KAZN: variants seen among roughly 807,000 people sequenced by gnomAD.
KAZN encodes kazrin, periplakin interacting protein.
In KAZN, 40 loss-of-function variants were observed where a neutral mutation model predicts 87.4. That is an observed-to-expected ratio of 0.46 (90% CI 0.36 to 0.60). KAZN has a LOEUF of 0.60. KAZN is among the 20% of genes least tolerant of loss of function. KAZN has a pLI of 0.00. For synonymous variants in KAZN, 466 were observed against 458.3 expected (o/e 1.02, Z -0.22); for missense variants, 898 against 1,073.9 (o/e 0.84, Z 2.29).
intron 1 of KAZN, among the ~76,000 whole-genome samples, chr1:14,906,188 T>C (rs1390726526): frequency 3.9e-5 from 1 of 25,438 alleles, no homozygotes; most frequent in Non-Finnish European, 1.5e-4. Flanking sequence ...ATAATAATAA[T>C]AATAATAATA....
chr1:15,115,122 G>T lies in KAZN; in HGVS notation c.*487G>T. On this transcript the variant is annotated 3_prime_UTR_variant, in exon 15 of 15. Coordinates refer to ENST00000376030, the MANE Select transcript of KAZN (RefSeq NM_201628.3). This position sits in a 1 kb window ranked among gnomAD's most constrained non-coding sequence, Gnocchi z 4.1. The stretch of plus-strand genomic sequence containing the variant: ...AGTGCTGCCTCTTGCCGAGACGTCG[G>T]ACAGGGCGGGGGTTGGGGAACTCTC... The T allele has an allele frequency of 6.5e-6, 1 of 153,896 alleles. No individual in the cohort carries two copies. Among genetic ancestry groups the T allele is most frequent in the Non-Finnish European group, 1.4e-5 (1 of 69,118 alleles). 9.5% of individuals were successfully genotyped at this position (153,896 alleles called of 1,614,324 possible). A position where few individuals can be genotyped will look rare whatever the true frequency, so the allele number is the denominator to read the frequency against.
intron 1 of KAZN, among the ~76,000 whole-genome samples, chr1:14,757,735 A>C (rs988875185): frequency 7.9e-5 from 12 of 152,164 alleles, no homozygotes; most frequent in Non-Finnish European, 1.2e-4. Context: ...GGGAATCAAG[A>C]TCTCTCCCAT....
At chr1:14,361,677 C>T (rs1026326002) in intron 2 of KAZN, among the ~76,000 whole-genome samples, 3 of 152,360 alleles carry the variant, frequency 2.0e-5, no homozygotes, top group South Asian at 2.1e-4. Context: ...CAGTCCCTCA[C>T]GGCTCCCTTG....
At chr1:14,503,637 A>G (rs909025479) in intron 2 of KAZN, among the ~76,000 whole-genome samples, 4 of 151,260 alleles carry the variant, frequency 2.6e-5, no homozygotes, top group African/African-American at 9.7e-5. Flanking sequence ...GACTTACCAG[A>G]TGCTGGCCAC....
At chr1:14,957,026 C>T (rs1474266262) in intron 1 of KAZN, among the ~76,000 whole-genome samples, 1 of 152,080 alleles carries the variant, frequency 6.6e-6, no homozygotes, top group Non-Finnish European at 1.5e-5. Flanking sequence ...CAAGGGTGTC[C>T]GAGTGCTCTG....
intron 8 of KAZN, among the ~76,000 whole-genome samples, chr1:15,092,992 G>A (rs1173594841): frequency 6.6e-6 from 1 of 151,892 alleles, no homozygotes; most frequent in East Asian, 1.9e-4. Flanking sequence ...ATGGAGCTGG[G>A]TTCCATTTAT....
intron 2 of KAZN, among the ~76,000 whole-genome samples, chr1:14,390,296 A>G (rs1018377524): frequency 6.6e-6 from 1 of 152,244 alleles, no homozygotes; most frequent in South Asian, 2.1e-4. Flanking sequence ...ACTGGAAAAG[A>G]CAGAAAATAA....
chr1:15,094,427 T>C lies in KAZN; in HGVS notation c.1428+42T>C. ...CCCCTATGGGATGCCACCCATGCCC[T>C]CTGTGAGCTTTACGTACCCAGAAGC... On this transcript the variant is annotated intron_variant, in intron 9 of 14. Coordinates refer to ENST00000376030, the MANE Select transcript of KAZN (RefSeq NM_201628.3). This position sits in a 1 kb window ranked among gnomAD's most constrained non-coding sequence, Gnocchi z 4.5. 1.3e-6 allele frequency: 2 copies of C among 1,554,296 alleles called. No individual in the cohort carries two copies. Among genetic ancestry groups the C allele is most frequent in the Non-Finnish European group, 1.8e-6 (2 of 1,141,208 alleles).
rs142205845 is a variant in KAZN, at chr1:14,317,323, A to G, written c.249+136731A>G. The stretch of plus-strand genomic sequence containing the variant: ...CCTTTTTCAAAAGCCTATTTCATTG[A>G]TGTCAATATAGCTACTGTAGCTTTC... On this transcript the variant is annotated intron_variant, in intron 2 of 16. Coordinates refer to the KAZN transcript ENST00000636203. Among the ~76,000 whole-genome samples, 592 of 151,938 alleles carry G rather than the reference A, an allele frequency of 3.9e-3. 5 individuals are homozygous for G. The highest frequency in any genetic ancestry group is 0.014 in the African/African-American group (571 of 41,492).
chr1:15,072,239 C>G (rs1385141516), intron 8 of KAZN, among the ~76,000 whole-genome samples: 1 of 152,210 alleles, frequency 6.6e-6, no homozygotes, highest in African/African-American at 2.4e-5. Flanking sequence ...GATTACTATT[C>G]TCTGTGATTT....
intron 1 of KAZN, among the ~76,000 whole-genome samples, chr1:13,987,913 G>C (rs1366883376): frequency 6.6e-6 from 1 of 152,144 alleles, no homozygotes; most frequent in Non-Finnish European, 1.5e-5. Flanking sequence ...AAATTGAGGG[G>C]TTGGCATCTG....
intron 7 of KAZN, among the ~76,000 whole-genome samples, chr1:15,064,634 TAG>T (rs1639074369): frequency 6.6e-6 from 1 of 152,164 alleles, no homozygotes. Context: ...GTTCCACAGG[TAG>T]AGTCATGATC....
At chr1:14,223,977 A>C (rs1647172091) in intron 2 of KAZN, among the ~76,000 whole-genome samples, 2 of 152,224 alleles carry the variant, frequency 1.3e-5, no homozygotes, top group Admixed American at 1.3e-4. Flanking sequence ...TCCACCATTT[A>C]GAGTTCACGA....
At chr1:15,009,826 T>C (rs1186078154) in intron 2 of KAZN, among the ~76,000 whole-genome samples, 1 of 152,254 alleles carries the variant, frequency 6.6e-6, no homozygotes, top group Non-Finnish European at 1.5e-5. Context: ...CCATGGCCAA[T>C]TCTGTCTCAC....
At chr1:14,723,141 A>G (rs564667336) in intron 1 of KAZN, among the ~76,000 whole-genome samples, 199 of 152,196 alleles carry the variant, frequency 1.3e-3, no homozygotes, top group African/African-American at 4.2e-3. Flanking sequence ...AAATAAATAC[A>G]TAAAAATAAA....
intron 10 of KAZN, among the ~76,000 whole-genome samples, chr1:15,100,172 CAG>C (rs574134017): frequency 1.1e-3 from 168 of 152,278 alleles, no homozygotes; most frequent in African/African-American, 3.9e-3. Flanking sequence ...ATGGGTAATA[CAG>C]AGACAGGAGT....
chr1:14,517,715 A>G (rs931289959), intron 2 of KAZN, among the ~76,000 whole-genome samples: 22 of 152,204 alleles, frequency 1.4e-4, no homozygotes, highest in African/African-American at 5.3e-4. Context: ...TGGATGTGCA[A>G]TCCTAATCTC....
At chr1:14,478,417 C>T (rs1571749561) in intron 2 of KAZN, among the ~76,000 whole-genome samples, 1 of 152,030 alleles carries the variant, frequency 6.6e-6, no homozygotes, top group East Asian at 1.9e-4. Flanking sequence ...AAAGGTTGGA[C>T]GGATGGGTGG....
chr1:14,726,099 C>A (rs942823143), intron 1 of KAZN, among the ~76,000 whole-genome samples: 3 of 152,212 alleles, frequency 2.0e-5, no homozygotes, highest in South Asian at 2.1e-4. Flanking sequence ...GCCAGCCTCA[C>A]CTCATCTGGC....
Sources: gnomAD v4.1 joint callset for allele counts (sites outside exome capture counted in the v4.1 genomes callset) on GRCh38, gnomAD v4.1.1 for gene constraint, Gnocchi (gnomAD v3.1) non-coding constraint, MANE v1.5 for transcripts, NCBI Gene and HGNC (gene_info 2026-07-23, HGNC 2026-07-21) for gene names.